Variants in SEC24D observed in about 807,000 individuals in gnomAD.
The protein encoded by SEC24D is protein transport protein Sec24D.
Under a neutral mutation model 116.9 loss-of-function variants are expected in SEC24D, and 69 were observed. That is an observed-to-expected ratio of 0.59 (90% CI 0.49 to 0.72). The LOEUF (loss-of-function observed/expected upper bound fraction) is 0.72. Among genes scored for constraint, SEC24D ranks in the 30% least tolerant of loss-of-function variants. The pLI, the probability that SEC24D is intolerant of heterozygous loss-of-function variation, is 0.00. For synonymous variants in SEC24D, 405 were observed against 442.8 expected, an observed-to-expected ratio of 0.91 and a Z score of 1.07; for missense variants, 1,131 against 1,264.1, an observed-to-expected ratio of 0.89 and a Z score of 1.60.
chr4:118,776,652 C>G (rs1728141709), intron 8 of SEC24D, among the ~76,000 whole-genome samples: 1 of 152,082 alleles, frequency 6.6e-6, no homozygotes, highest in Non-Finnish European at 1.5e-5. Context: ...ATGTTTAAAA[C>G]TTTTGAGTAA....
chr4:118,731,646 T>C (rs1725690610), intron 20 of SEC24D, 139 bp from the exon 21 acceptor site: 5 of 676,080 alleles, frequency 7.4e-6, no homozygotes, highest in South Asian at 3.7e-5. Context: ...TTTATTCCAG[T>C]CATTAGAAAA....
chr4:118,791,532 C>T (rs980407733), intron 8 of SEC24D, among the ~76,000 whole-genome samples: 3 of 152,092 alleles, frequency 2.0e-5, no homozygotes, highest in African/African-American at 7.2e-5. Flanking sequence ...CCTACTCCCT[C>T]CTCCCTCCTC....
intron 3 of SEC24D, among the ~76,000 whole-genome samples, chr4:118,820,487 T>C (rs1005158677): frequency 6.6e-6 from 1 of 152,166 alleles, no homozygotes; most frequent in Non-Finnish European, 1.5e-5. Context: ...CCAATATTTT[T>C]TAATTTCATT....
intron 7 of SEC24D, among the ~76,000 whole-genome samples, chr4:118,798,661 T>C (rs923526168): frequency 6.6e-6 from 1 of 152,190 alleles, no homozygotes; most frequent in Non-Finnish European, 1.5e-5. Context: ...GTAAATTATA[T>C]AGGACATTAG....
At chr4:118,775,621 CT>C (rs1728097523) in intron 8 of SEC24D, among the ~76,000 whole-genome samples, 1 of 152,056 alleles carries the variant, frequency 6.6e-6, no homozygotes. Flanking sequence ...AGTATACTGA[CT>C]CAGCAGGTTT....
chr4:118,788,399 A>AT (rs1277928367), intron 8 of SEC24D, among the ~76,000 whole-genome samples: 2 of 152,216 alleles, frequency 1.3e-5, no homozygotes, highest in African/African-American at 4.8e-5. Context: ...GAGACCTGAA[A>AT]TTATTTCCCG....
At chr4:118,746,945 G>A (rs1273304630) in intron 13 of SEC24D, among the ~76,000 whole-genome samples, 2 of 152,094 alleles carry the variant, frequency 1.3e-5, no homozygotes, top group African/African-American at 2.4e-5. Flanking sequence ...CCTGGGGCCT[G>A]CTGTCTTGTC....
intron 8 of SEC24D, among the ~76,000 whole-genome samples, chr4:118,775,295 C>T (rs116082064): frequency 0.014 from 2,102 of 148,212 alleles, 21 homozygotes; most frequent in Non-Finnish European, 0.023. Flanking sequence ...GCTCAGGTAC[C>T]CACAAATATA....
chr4:118,779,422 T>C (rs1209988611), intron 8 of SEC24D, among the ~76,000 whole-genome samples: 1 of 152,244 alleles, frequency 6.6e-6, no homozygotes. Context: ...TTTGCATATG[T>C]TGAACAAGCC....
chr4:118,724,493 A>G (rs958422392), intron 22 of SEC24D, among the ~76,000 whole-genome samples: 1 of 152,232 alleles, frequency 6.6e-6, no homozygotes, highest in Admixed American at 6.5e-5. Flanking sequence ...AAATATAAAA[A>G]TATCTCAATA....
rs570406137 is a variant in SEC24D at position 118,725,675 on chromosome 4, C to T, written c.2959-2020G>A. Among the ~76,000 whole-genome samples, 134 of 151,824 alleles carry T rather than the reference C, an allele frequency of 8.8e-4. 1 individual carries two copies. Among genetic ancestry groups the T allele is most frequent in the African/African-American group, 2.7e-3 (112 of 41,378 alleles). On this transcript the variant is annotated intron_variant, in intron 22 of 22. Coordinates refer to ENST00000280551, the MANE Select transcript of SEC24D (RefSeq NM_014822.4). ...ACAACCTCCTCTGACAAAAGTGTCTCGCTATGAGCTGAGGTGGTAAGTAGA... is the reference window on the plus strand; with the variant it reads ...ACAACCTCCTCTGACAAAAGTGTCTTGCTATGAGCTGAGGTGGTAAGTAGA...
chr4:118,749,765 G>A (rs1430542130), intron 13 of SEC24D, among the ~76,000 whole-genome samples: 3 of 152,152 alleles, frequency 2.0e-5, no homozygotes, highest in African/African-American at 7.2e-5. Context: ...GGACAGCAGT[G>A]GAGCATCACG....
At chr4:118,780,103 T>A (rs762079726) in intron 8 of SEC24D, among the ~76,000 whole-genome samples, 10 of 152,174 alleles carry the variant, frequency 6.6e-5, no homozygotes, top group Non-Finnish European at 1.0e-4. Flanking sequence ...TCTATCTCCT[T>A]CAGTTCTGCT....
chr4:118,820,211 G>C (rs1161808520), intron 3 of SEC24D, among the ~76,000 whole-genome samples: 2 of 137,184 alleles, frequency 1.5e-5, no homozygotes, highest in African/African-American at 5.6e-5. Context: ...ACGGAGTTTC[G>C]CTCTTGTCGC....
Position 118,817,331 on chromosome 4 carries a change from A to G in SEC24D, c.330T>C (p.Gly110=), listed in dbSNP as rs1295163361. The change falls in exon 4 of 23, where the codon GGT becomes GGC. Residue 110 remains glycine, a synonymous_variant. Transcript: ENST00000280551. ...YQPSAQSSYP[G]PISTSSVTQL... ...GGGTGACAGATGAAGTGGATATAGG[A>G]CCTGGATAAGAAGATTGTGCAGAGG... The G allele has an allele frequency of 1.2e-6, 2 of 1,613,840 alleles. No individual in the cohort carries two copies. Among genetic ancestry groups the G allele is most frequent in the East Asian group, 2.2e-5 (1 of 44,858 alleles).
chr4:118,746,023 A>G (rs780566081), intron 13 of SEC24D, among the ~76,000 whole-genome samples: 6 of 151,904 alleles, frequency 3.9e-5, no homozygotes, highest in South Asian at 2.1e-4. Context: ...CAAAAATAAA[A>G]AGACTAGCTG....
Position 118,780,907 on chromosome 4 carries a change from CTTTTTTTTTT to C in SEC24D, c.1042-12606_1042-12597del, listed in dbSNP as rs143712578. 8.7e-3 allele frequency among the ~76,000 whole-genome samples: 541 copies of C among 61,916 alleles called. 6 individuals carry two copies. Among genetic ancestry groups the C allele is most frequent in the African/African-American group, 0.031 (514 of 16,518 alleles). 40.6% of individuals were successfully genotyped at this position (61,916 alleles called of 152,430 possible). ...TCAGAGACTAGGATTGCAACCCCTGCTTTTTTTTTTTTTTTTTTTTTTTTTGCTTTCCATT... is the reference window on the plus strand; with the variant it reads ...TCAGAGACTAGGATTGCAACCCCTGCTTTTTTTTTTTTTTTGCTTTCCATT... On this transcript the variant is annotated intron_variant, in intron 8 of 22. Coordinates refer to ENST00000280551, the MANE Select transcript of SEC24D (RefSeq NM_014822.4).
Position 118,741,095 on chromosome 4 carries a change from C to T in SEC24D, c.1996-58G>A, listed in dbSNP as rs376604960. The T allele has an allele frequency of 2.6e-5, 22 of 838,190 alleles. No homozygotes were observed. The African/African-American group carries it at 3.1e-4, about 12-fold the overall frequency. 51.9% of individuals were successfully genotyped at this position (838,190 alleles called of 1,614,324 possible). A position where few individuals can be genotyped will look rare whatever the true frequency, so the allele number is the denominator to read the frequency against. On this transcript the variant is annotated intron_variant, in intron 15 of 22. Coordinates refer to ENST00000280551, the MANE Select transcript of SEC24D (RefSeq NM_014822.4). Reference sequence around the variant, plus strand: ...GATGGCAGTAAAATACTTAAAATAACGTTCTCATTTTAATCCTGAGTTATA... The same window carrying T: ...GATGGCAGTAAAATACTTAAAATAATGTTCTCATTTTAATCCTGAGTTATA...
chr4:118,748,356 A>AT (rs1321402032), intron 13 of SEC24D, among the ~76,000 whole-genome samples: 2 of 152,184 alleles, frequency 1.3e-5, no homozygotes, highest in African/African-American at 4.8e-5. Context: ...TTTAAAAGTC[A>AT]TATTTATTTT....
Sources: gnomAD v4.1 joint callset for allele counts (sites outside exome capture counted in the v4.1 genomes callset) on GRCh38, gnomAD v4.1.1 for gene constraint, MANE v1.5 for transcripts, NCBI Gene and HGNC (gene_info 2026-07-23, HGNC 2026-07-21) for gene names.